TMEM108: variants seen among roughly 807,000 people sequenced by gnomAD.
The protein encoded by TMEM108 is cancer/testis antigen 124.
Under a neutral mutation model 35.1 loss-of-function variants are expected in TMEM108, and 12 were observed. The observed-to-expected ratio is 0.34, with a 90% CI of 0.22 to 0.55. The LOEUF (loss-of-function observed/expected upper bound fraction) is 0.55. TMEM108 is among the 20% of genes least tolerant of loss of function. The pLI is 0.89. For missense variants in TMEM108, 680 were observed against 753.3 expected, an observed-to-expected ratio of 0.90 and a Z score of 1.14; for synonymous variants, 287 against 308.6, an observed-to-expected ratio of 0.93 and a Z score of 0.73.
chr3:133,162,451 G>C (rs1188876226), intron 2 of TMEM108, among the ~76,000 whole-genome samples: 4 of 152,200 alleles, frequency 2.6e-5, no homozygotes, highest in Non-Finnish European at 5.9e-5. Context: ...TCATTACACA[G>C]TGGTAACAGT....
intron 2 of TMEM108, chr3:133,119,065 G>A (rs1417000602): frequency 1.3e-5 from 2 of 152,062 alleles, no homozygotes; most frequent in African/African-American, 4.8e-5. Flanking sequence ...AAACGTACTA[G>A]CACCATTCTC....
intron 3 of TMEM108, among the ~76,000 whole-genome samples, chr3:133,370,915 T>TGTGTGTGTGTGC (rs1268717738): frequency 7.4e-6 from 1 of 135,664 alleles, no homozygotes; most frequent in Non-Finnish European, 1.6e-5. Context: ...TGTGTGTGTG[T>TGTGTGTGTGTGC]GTGTGTGCCA....
chr3:133,099,720 C>T (rs529423141), intron 2 of TMEM108, among the ~76,000 whole-genome samples: 1 of 152,314 alleles, frequency 6.6e-6, no homozygotes, highest in East Asian at 1.9e-4. Flanking sequence ...TTTGCTAAAA[C>T]ATAATAAGAG....
chr3:133,257,128 G>C (rs138739537), intron 3 of TMEM108: 1 of 152,152 alleles, frequency 6.6e-6, no homozygotes, highest in Non-Finnish European at 1.5e-5. Flanking sequence ...ATTTGAGATT[G>C]TCTCTTAATA....
At chr3:133,100,137 G>A (rs540550732) in intron 2 of TMEM108, among the ~76,000 whole-genome samples, 36 of 152,262 alleles carry the variant, frequency 2.4e-4, no homozygotes, top group South Asian at 6.2e-4. Flanking sequence ...TGGCAGCGGC[G>A]AGAGAAAAAT....
chr3:133,296,464 G>A (rs942960880), intron 3 of TMEM108, among the ~76,000 whole-genome samples: 1 of 151,508 alleles, frequency 6.6e-6, no homozygotes, highest in Admixed American at 6.6e-5. Flanking sequence ...TCCCAGACCC[G>A]AAATATCAAC....
chr3:133,358,735 C>T (rs2072253817), intron 3 of TMEM108, among the ~76,000 whole-genome samples: 1 of 152,120 alleles, frequency 6.6e-6, no homozygotes, highest in Admixed American at 6.6e-5. Flanking sequence ...CTCCAATTCA[C>T]TCTCTCCTGT....
intron 2 of TMEM108, among the ~76,000 whole-genome samples, chr3:133,129,549 G>A (rs866455918): frequency 2.6e-5 from 4 of 152,188 alleles, no homozygotes; most frequent in South Asian, 2.1e-4. Context: ...CATCACTCAC[G>A]GACAGGAAGC....
At chr3:133,217,300 G>A (rs1171340773) in intron 2 of TMEM108, among the ~76,000 whole-genome samples, 1 of 151,882 alleles carries the variant, frequency 6.6e-6, no homozygotes, top group Non-Finnish European at 1.5e-5. Context: ...CTATTGAGTT[G>A]AGTTCTTTAT....
chr3:133,225,127 A>G (rs1946050424), intron 2 of TMEM108, among the ~76,000 whole-genome samples: 1 of 149,702 alleles, frequency 6.7e-6, no homozygotes, highest in South Asian at 2.1e-4. Context: ...GCTCACTGCA[A>G]TCTCCACTTC....
At chr3:133,348,363 A>C (rs2071885459) in intron 3 of TMEM108, among the ~76,000 whole-genome samples, 1 of 152,128 alleles carries the variant, frequency 6.6e-6, no homozygotes, top group African/African-American at 2.4e-5. Flanking sequence ...AATAAGTTAG[A>C]GCTTCATCAC....
chr3:133,153,107 C>CCATTGTGT (rs527335296), intron 2 of TMEM108, among the ~76,000 whole-genome samples: 235 of 152,188 alleles, frequency 1.5e-3, no homozygotes, highest in African/African-American at 5.2e-3. Context: ...ATCAAGTAGA[C>CCATTGTGT]CATTGTGTCA....
chr3:133,114,532 A>C (rs1215759118), intron 2 of TMEM108, among the ~76,000 whole-genome samples: 2 of 152,154 alleles, frequency 1.3e-5, no homozygotes, highest in Non-Finnish European at 2.9e-5. Context: ...CTTACTTAAG[A>C]TTCCAGGCAG....
chr3:133,155,901 T>A (rs1031634321), intron 2 of TMEM108, among the ~76,000 whole-genome samples: 1 of 152,098 alleles, frequency 6.6e-6, no homozygotes, highest in Non-Finnish European at 1.5e-5. Context: ...ATTTTTGTTA[T>A]GAAATTTTTG....
At chr3:133,264,318 C>T (rs966457259) in intron 3 of TMEM108, among the ~76,000 whole-genome samples, 1 of 151,068 alleles carries the variant, frequency 6.6e-6, no homozygotes, top group Non-Finnish European at 1.5e-5. Flanking sequence ...AAAAAAAATT[C>T]ACCCGAAGAA....
intron 3 of TMEM108, among the ~76,000 whole-genome samples, chr3:133,232,726 A>G (rs895246926): frequency 6.6e-6 from 1 of 152,204 alleles, no homozygotes; most frequent in African/African-American, 2.4e-5. Flanking sequence ...GTTACAACTG[A>G]CTATCTCTGC....
intron 2 of TMEM108, among the ~76,000 whole-genome samples, chr3:133,125,848 A>G (rs1464108581): frequency 6.6e-6 from 1 of 152,196 alleles, no homozygotes; most frequent in Non-Finnish European, 1.5e-5. Flanking sequence ...TTTTGTGGTC[A>G]TGTAAAAGAA....
At chr3:133,322,425 G>A (rs1359961828) in intron 3 of TMEM108, among the ~76,000 whole-genome samples, 1 of 152,124 alleles carries the variant, frequency 6.6e-6, no homozygotes, top group African/African-American at 2.4e-5. Context: ...AAACCTAGAG[G>A]AGGTGGATAA....
intron 3 of TMEM108, among the ~76,000 whole-genome samples, chr3:133,376,973 G>A (rs1285564656): frequency 6.6e-6 from 1 of 152,102 alleles, no homozygotes; most frequent in East Asian, 1.9e-4. Flanking sequence ...GGAGTCCCCC[G>A]AGTCCTCTCT....
Sources: allele counts gnomAD v4.1 joint callset (sites outside exome capture counted in the v4.1 genomes callset), GRCh38; gene constraint gnomAD v4.1.1; transcripts MANE v1.5; gene names NCBI Gene and HGNC (gene_info 2026-07-23, HGNC 2026-07-21).